The following DLGAP2 variants were observed in gnomAD, a reference collection of about 807,000 sequenced individuals.
DLGAP2 encodes the protein disks large-associated protein 2.
A neutral mutation model predicts 100.3 loss-of-function variants in DLGAP2; 26 were observed. The ratio of observed to expected loss-of-function variants is 0.26; its 90% CI spans 0.19 to 0.36. The LOEUF (loss-of-function observed/expected upper bound fraction) is 0.36. Ranked by LOEUF, DLGAP2 falls within the 10% of genes least tolerant of loss-of-function variation. DLGAP2 has a pLI of 1.00. For synonymous variants in DLGAP2, 886 were observed against 630.1 expected (o/e 1.41, Z -6.08); for missense variants, 1,858 against 1,453.2 (o/e 1.28, Z -4.53).
intron 1 of DLGAP2, among the ~76,000 whole-genome samples, chr8:857,946 C>G (rs1797313110): frequency 6.6e-6 from 1 of 151,236 alleles, no homozygotes; most frequent in African/African-American, 2.4e-5. Flanking sequence ...TCTCGGCTCA[C>G]TGCAGCCTCT....
chr8:770,142 T>G (rs931417239), intron 1 of DLGAP2, among the ~76,000 whole-genome samples: 1 of 152,220 alleles, frequency 6.6e-6, no homozygotes, highest in Admixed American at 6.5e-5. Context: ...AAACATACAT[T>G]ATCCCTATTT....
At chr8:1,256,543 G>A (rs1281851666) in intron 2 of DLGAP2, among the ~76,000 whole-genome samples, 2 of 149,602 alleles carry the variant, frequency 1.3e-5, no homozygotes, top group South Asian at 2.1e-4. Flanking sequence ...CTGCCCAGGC[G>A]CTGTGTGTGT....
intron 12 of DLGAP2, among the ~76,000 whole-genome samples, chr8:1,689,511 T>C (rs1024718813): frequency 6.6e-6 from 1 of 152,132 alleles, no homozygotes; most frequent in Non-Finnish European, 1.5e-5. Context: ...CCTTGGAGAG[T>C]CAGCTTCCCA....
intron 3 of DLGAP2, among the ~76,000 whole-genome samples, chr8:1,284,128 G>C (rs1371876442): frequency 6.6e-6 from 1 of 152,220 alleles, no homozygotes; most frequent in Non-Finnish European, 1.5e-5. Flanking sequence ...AGACACCTCA[G>C]AGCATTGTGA....
rs145017390 is a variant in DLGAP2, at chr8:822,060, A to G, written c.18+84235A>G. 1,049 of 398,660 alleles carry G rather than the reference A, an allele frequency of 2.6e-3. 10 individuals carry two copies. Among genetic ancestry groups the G allele is most frequent in the African/African-American group, 0.02 (956 of 48,626 alleles). 24.7% of individuals were successfully genotyped at this position (398,660 alleles called of 1,614,324 possible). On this transcript the variant is annotated intron_variant, in intron 1 of 14. Coordinates refer to ENST00000637795, the MANE Select transcript of DLGAP2 (RefSeq NM_001346810.2). ...GGAGGTTATTTACCCTTTTTATCAC[A>G]TTTTCCCCATCTCTATCCATTCCTC...
chr8:741,750 C>A (rs997606680), intron 1 of DLGAP2, among the ~76,000 whole-genome samples: 2 of 152,354 alleles, frequency 1.3e-5, no homozygotes, highest in South Asian at 4.1e-4. Flanking sequence ...ATGGGGTTGG[C>A]TTGGCGGACC....
intron 6 of DLGAP2, among the ~76,000 whole-genome samples, chr8:1,599,684 C>A (rs1197656570): frequency 6.6e-6 from 1 of 152,138 alleles, no homozygotes; most frequent in South Asian, 2.1e-4. Flanking sequence ...TTATCAGAGA[C>A]TAGGATTGCA....
intron 3 of DLGAP2, among the ~76,000 whole-genome samples, chr8:1,469,567 T>G (rs1161439263): frequency 6.6e-6 from 1 of 152,164 alleles, no homozygotes; most frequent in African/African-American, 2.4e-5. Context: ...TTACTGAGCT[T>G]CCTCAGAAGA....
chr8:1,486,790 T>C (rs1306011472), intron 3 of DLGAP2, among the ~76,000 whole-genome samples: 3 of 152,248 alleles, frequency 2.0e-5, no homozygotes, highest in Non-Finnish European at 4.4e-5. Context: ...ATGAGAATCA[T>C]GCATTTGAGT....
chr8:856,080 T>G (rs936301171), intron 1 of DLGAP2, among the ~76,000 whole-genome samples: 3 of 151,834 alleles, frequency 2.0e-5, no homozygotes, highest in African/African-American at 4.8e-5. Flanking sequence ...ATAAAAGATA[T>G]GCATATTGGG....
chr8:1,536,023 A>G (rs1460670843), intron 4 of DLGAP2, among the ~76,000 whole-genome samples: 1 of 152,216 alleles, frequency 6.6e-6, no homozygotes, highest in Admixed American at 6.5e-5. Context: ...TGTAACAGTC[A>G]TGACACGTGA....
At chr8:1,664,034 T>A (rs546143785) in intron 8 of DLGAP2, among the ~76,000 whole-genome samples, 2 of 152,258 alleles carry the variant, frequency 1.3e-5, no homozygotes, top group Admixed American at 1.3e-4. Flanking sequence ...CAGAGAATAG[T>A]GGTTTTGTTG....
chr8:1,370,434 T>C (rs945298829), intron 3 of DLGAP2, among the ~76,000 whole-genome samples: 2 of 152,228 alleles, frequency 1.3e-5, no homozygotes, highest in Non-Finnish European at 2.9e-5. Flanking sequence ...TTCAAAATAG[T>C]GAGGTGGAAA....
At chr8:847,408 A>G (rs902467516) in intron 1 of DLGAP2, among the ~76,000 whole-genome samples, 1 of 152,286 alleles carries the variant, frequency 6.6e-6, no homozygotes, top group Admixed American at 6.5e-5. Flanking sequence ...TAATTGAGAT[A>G]TATTTTACAC....
intron 2 of DLGAP2, among the ~76,000 whole-genome samples, chr8:943,995 G>C (rs1253161134): frequency 3.6e-4 from 55 of 152,256 alleles, no homozygotes; most frequent in Non-Finnish European, 2.9e-5. Context: ...GATTAATTTT[G>C]AGATTACAAA....
intron 2 of DLGAP2, among the ~76,000 whole-genome samples, chr8:1,174,149 G>C (rs1307798961): frequency 2.0e-5 from 3 of 152,106 alleles, no homozygotes; most frequent in Non-Finnish European, 4.4e-5. Flanking sequence ...CTGGAACTGG[G>C]TATTGAAGGG....
At chr8:1,197,133 C>T (rs12674627) in intron 2 of DLGAP2, among the ~76,000 whole-genome samples, 30,476 of 152,048 alleles carry the variant, frequency 0.2, 3,195 homozygotes, top group East Asian at 0.34. Context: ...GATGCACACC[C>T]GCATTGCAGA....
At chr8:855,520 A>G (rs1797260854) in intron 1 of DLGAP2, among the ~76,000 whole-genome samples, 2 of 152,176 alleles carry the variant, frequency 1.3e-5, no homozygotes, top group African/African-American at 4.8e-5. Flanking sequence ...AGGGTGTTTA[A>G]CAGCACCACG....
At chr8:1,427,666 T>C (rs1246555042) in intron 3 of DLGAP2, among the ~76,000 whole-genome samples, 1 of 152,178 alleles carries the variant, frequency 6.6e-6, no homozygotes, top group Non-Finnish European at 1.5e-5. Flanking sequence ...ATGAGTCTCA[T>C]GAGATCTGAT....
Sources: gnomAD v4.1 joint callset for allele counts (sites outside exome capture counted in the v4.1 genomes callset) on GRCh38, gnomAD v4.1.1 for gene constraint, MANE v1.5 for transcripts, NCBI Gene and HGNC (gene_info 2026-07-23, HGNC 2026-07-21) for gene names.